NRG3: variants seen among roughly 807,000 people sequenced by gnomAD.
NRG3 encodes the protein pro-neuregulin-3, membrane-bound isoform.
Under a neutral mutation model 66.9 loss-of-function variants are expected in NRG3, and 31 were observed. The ratio of observed to expected loss-of-function variants is 0.46; its 90% CI spans 0.35 to 0.63. The LOEUF is 0.63. Among genes scored for constraint, NRG3 ranks in the 20% least tolerant of loss-of-function variants. NRG3 has a pLI of 0.00. For missense variants in NRG3, 910 were observed against 878.9 expected, an observed-to-expected ratio of 1.04 and a Z score of -0.45; for synonymous variants, 393 against 359.4, an observed-to-expected ratio of 1.09 and a Z score of -1.06.
chr10:82,018,258 T>C (rs1317522512), intron 1 of NRG3, among the ~76,000 whole-genome samples: 1 of 152,176 alleles, frequency 6.6e-6, no homozygotes, highest in Non-Finnish European at 1.5e-5. Flanking sequence ...TGTGTGGTAT[T>C]GTTTCTGAGG....
At chr10:82,448,188 A>G (rs887122012) in intron 2 of NRG3, among the ~76,000 whole-genome samples, 1 of 152,194 alleles carries the variant, frequency 6.6e-6, no homozygotes, top group African/African-American at 2.4e-5. Flanking sequence ...AGAAACAGGT[A>G]TTCAATTTTA....
At chr10:81,967,498 TGTG>T (rs2059775338) in intron 1 of NRG3, among the ~76,000 whole-genome samples, 4 of 152,126 alleles carry the variant, frequency 2.6e-5, no homozygotes, top group African/African-American at 9.6e-5. Flanking sequence ...GTATTTTCAT[TGTG>T]GTGGGTGAAA....
chr10:82,283,597 T>C (rs1359024732), intron 1 of NRG3, among the ~76,000 whole-genome samples: 2 of 152,170 alleles, frequency 1.3e-5, no homozygotes, highest in East Asian at 1.9e-4. Context: ...CACACACTTA[T>C]CAACAGGTTT....
intron 1 of NRG3, among the ~76,000 whole-genome samples, chr10:81,996,169 C>G (rs954302443): frequency 6.6e-6 from 1 of 152,172 alleles, no homozygotes; most frequent in Non-Finnish European, 1.5e-5. Context: ...GATAATGCAT[C>G]TCATGGCCAT....
chr10:82,963,317 C>T (rs912833545), intron 6 of NRG3, among the ~76,000 whole-genome samples: 1 of 152,212 alleles, frequency 6.6e-6, no homozygotes, highest in African/African-American at 2.4e-5. Flanking sequence ...TAAATACATG[C>T]TCCCATCAGC....
At chr10:82,118,648 C>T (rs1046782981) in intron 1 of NRG3, among the ~76,000 whole-genome samples, 26 of 152,184 alleles carry the variant, frequency 1.7e-4, no homozygotes, top group South Asian at 6.2e-4. Context: ...CTGAAATTTT[C>T]GCTACCTTGC....
intron 1 of NRG3, among the ~76,000 whole-genome samples, chr10:82,289,336 G>C (rs1273348648): frequency 6.6e-6 from 1 of 151,768 alleles, no homozygotes; most frequent in Non-Finnish European, 1.5e-5. Flanking sequence ...TCCTTCAGCT[G>C]CAATGAGACA....
intron 5 of NRG3, among the ~76,000 whole-genome samples, chr10:82,957,779 A>G (rs1239767723): frequency 1.3e-5 from 2 of 149,940 alleles, no homozygotes; most frequent in East Asian, 3.9e-4. Context: ...TCCTAGTGAT[A>G]AAACATAGTT....
chr10:82,486,864 C>G lies in NRG3; in HGVS notation c.953+127996C>G, dbSNP rs548965824. Among the ~76,000 whole-genome samples, 149 of 152,076 alleles carry G rather than the reference C, an allele frequency of 9.8e-4. 1 individual carries two copies. Among genetic ancestry groups the G allele is most frequent in the African/African-American group, 3.3e-3 (136 of 41,494 alleles). ...ATATGATTCCACTTATAGGAGATCT[C>G]TAAATCAGCCGAACCCACAGAAGCA... is the stretch of plus-strand genomic sequence containing the variant. On this transcript the variant is annotated intron_variant, in intron 2 of 8. Transcript: ENST00000372141.
chr10:82,229,758 C>T (rs936799831), intron 1 of NRG3, among the ~76,000 whole-genome samples: 2 of 152,106 alleles, frequency 1.3e-5, no homozygotes, highest in African/African-American at 4.8e-5. Flanking sequence ...TAACCACCTC[C>T]CATGAGGATT....
intron 2 of NRG3, among the ~76,000 whole-genome samples, chr10:82,584,139 C>T (rs1007553738): frequency 3.3e-5 from 5 of 152,012 alleles, no homozygotes; most frequent in African/African-American, 4.8e-5. Flanking sequence ...CAGGCTGGAG[C>T]GCAGTGGTGT....
At chr10:82,216,782 T>A (rs894705931) in intron 1 of NRG3, among the ~76,000 whole-genome samples, 8 of 152,164 alleles carry the variant, frequency 5.3e-5, no homozygotes, top group African/African-American at 1.9e-4. Context: ...TATTTCTAAA[T>A]GTTTTTACCA....
At chr10:82,611,416 C>T (rs896855370) in intron 2 of NRG3, among the ~76,000 whole-genome samples, 1 of 152,106 alleles carries the variant, frequency 6.6e-6, no homozygotes, top group African/African-American at 2.4e-5. Context: ...ATCCCTCCCC[C>T]AGCCCCTCCA....
At chr10:82,750,495 T>C (rs1465158997) in intron 3 of NRG3, among the ~76,000 whole-genome samples, 1 of 152,150 alleles carries the variant, frequency 6.6e-6, no homozygotes, top group Non-Finnish European at 1.5e-5. Flanking sequence ...GGTTCTGAAT[T>C]TTCTCTTAAG....
At chr10:82,762,111 T>C (rs2059352414) in intron 3 of NRG3, among the ~76,000 whole-genome samples, 1 of 151,498 alleles carries the variant, frequency 6.6e-6, no homozygotes, top group Non-Finnish European at 1.5e-5. Flanking sequence ...GGGAGTGCAG[T>C]GGTGCAATCA....
chr10:82,931,672 C>CT (rs1847592918), intron 4 of NRG3, among the ~76,000 whole-genome samples: 1 of 152,038 alleles, frequency 6.6e-6, no homozygotes, highest in Non-Finnish European at 1.5e-5. Flanking sequence ...ATTGTTAGGG[C>CT]TTTTTTGTTT....
chr10:81,993,901 C>T (rs1267441415), intron 1 of NRG3, among the ~76,000 whole-genome samples: 2 of 152,046 alleles, frequency 1.3e-5, no homozygotes, highest in Non-Finnish European at 2.9e-5. Flanking sequence ...AGATTGAACC[C>T]CTCTTTTGCT....
chr10:81,884,234 G>A (rs1564631301), intron 1 of NRG3, among the ~76,000 whole-genome samples: 1 of 152,090 alleles, frequency 6.6e-6, no homozygotes, highest in Non-Finnish European at 1.5e-5. Context: ...CTTCTGTCAA[G>A]CACTTCACAC....
rs1349594164 is a variant in NRG3 at position 82,785,787 on chromosome 10, G to A, written c.1027+47137G>A. On this transcript the variant is annotated intron_variant, in intron 3 of 8. Coordinates refer to ENST00000372141, the MANE Select transcript of NRG3 (RefSeq NM_001010848.4). ...AATTAAAAAGGAAACAGAATGAAAA[G>A]ATTTAGAAAACTCTCAGAGCCTAGC... Among the ~76,000 whole-genome samples the A allele has an allele frequency of 2.6e-5, 4 of 152,152 alleles. No individual in the cohort carries two copies. In the East Asian group the frequency reaches 7.7e-4, roughly 29 times the overall value.
Sources: allele counts gnomAD v4.1 joint callset (sites outside exome capture counted in the v4.1 genomes callset), GRCh38; gene constraint gnomAD v4.1.1; transcripts MANE v1.5; gene names NCBI Gene and HGNC (gene_info 2026-07-23, HGNC 2026-07-21).